Variants in ECE2 observed in about 807,000 individuals in gnomAD.
ECE2 encodes the protein endothelin-converting enzyme 2.
ECE2 carries 81 observed loss-of-function variants against 100.6 expected under a neutral mutation model. The observed-to-expected ratio is 0.81, with a 90% CI of 0.67 to 0.97. The LOEUF (loss-of-function observed/expected upper bound fraction) is 0.97, where lower values mean the gene tolerates loss of function less well. Ranked by LOEUF, ECE2 falls within the 50% of genes least tolerant of loss-of-function variation. ECE2 has a pLI of 0.00. For synonymous variants in ECE2, 391 were observed against 391.5 expected (o/e 1.00, Z 0.02); for missense variants, 911 against 988.1 (o/e 0.92, Z 1.05).
chr3:184,287,329 G>T (rs1238691048), intron 10 of ECE2, among the ~76,000 whole-genome samples: 2 of 110,330 alleles, frequency 1.8e-5, no homozygotes, highest in African/African-American at 4.8e-5. Flanking sequence ...GACTGAATGT[G>T]GGGGGTTAGG....
chr3:184,288,063 C>T, intron 11 of ECE2, 116 bp downstream of exon 11: 1 of 920,830 alleles, frequency 1.1e-6, no homozygotes, highest in Non-Finnish European at 1.6e-6. Context: ...GTAATCCCAG[C>T]ACTTTGGGAG....
chr3:184,290,962 C>T lies in ECE2; in HGVS notation c.1835-78C>T, dbSNP rs1721283129. 5 of 1,585,432 alleles carry T rather than the reference C, an allele frequency of 3.2e-6. No homozygotes were observed. In the South Asian group the frequency reaches 5.7e-5, roughly 18 times the overall value. On this transcript the variant is annotated intron_variant, in intron 16 of 18. Coordinates refer to ENST00000404464, the MANE Select transcript of ECE2 (RefSeq NM_001100121.2). ...CCCCAAGGGCCCTGAAGTCTGTGGA[C>T]CAGGGCTGGTGGGGGCACTGCTGCC...
Position 184,277,416 on chromosome 3 carries a change from C to T in ECE2, c.428C>T (p.Thr143Ile). 1.2e-6 allele frequency: 2 copies of T among 1,614,246 alleles called. No homozygotes were observed. The highest frequency in any genetic ancestry group is 1.7e-6 in the Non-Finnish European group (2 of 1,180,040). Reference sequence around the variant, plus strand: ...CCCGATGGGCGTTCTCGCTGGAACACCTTCAACAGCCTCTGGGACCAAAAC... The same window carrying T: ...CCCGATGGGCGTTCTCGCTGGAACATCTTCAACAGCCTCTGGGACCAAAAC... ...PLPDGRSRWN[T>I]FNSLWDQNQA... The change falls in exon 4 of 19, where the codon ACC becomes ATC. Residue 143 changes from threonine to isoleucine, a missense_variant. By Grantham distance (89) the Thr-to-Ile change is moderately conservative. Transcript: ENST00000404464.
intron 7 of ECE2, among the ~76,000 whole-genome samples, chr3:184,279,960 C>T (rs750995817): frequency 8.3e-5 from 12 of 144,418 alleles, no homozygotes; most frequent in Admixed American, 4.3e-4. Flanking sequence ...TGCGGTACTC[C>T]GTGCTCTGAG....
chr3:184,276,068 G>GCGGGGCCGGGCAGGGGAC lies in ECE2; in HGVS notation c.-77_-60dup. The stretch of plus-strand genomic sequence containing the variant: ...GCGGCGGCCGTGATGGCTGGTGACG[G>GCGGGGCCGGGCAGGGGAC]CGGGGCCGGGCAGGGGACCGGGGCC... On this transcript the variant is annotated 5_prime_UTR_variant, in exon 1 of 19. Coordinates refer to ENST00000404464, the MANE Select transcript of ECE2 (RefSeq NM_001100121.2). 1.7e-6 allele frequency: 2 copies of GCGGGGCCGGGCAGGGGAC among 1,209,650 alleles called. No individual in the cohort carries two copies. Among genetic ancestry groups the GCGGGGCCGGGCAGGGGAC allele is most frequent in the Non-Finnish European group, 2.1e-6 (2 of 973,518 alleles). The allele number at this position is 1,209,650 out of a possible 1,614,324, so 74.9% of individuals were successfully genotyped here. A position where few individuals can be genotyped will look rare whatever the true frequency, so the allele number is the denominator to read the frequency against.
In ECE2 at chr3:184,289,583, G is replaced by A; in HGVS notation, c.1473+48G>A. On this transcript the variant is annotated intron_variant, in intron 12 of 18. Transcript: ENST00000404464. The surrounding 1 kb of genome is among the most constrained non-coding windows in gnomAD (Gnocchi z 4.1). ...GCGCCATCTTGAGGTGGGGTTCAAG[G>A]ATACAGTTTTGCTAGGAACCTGGGG... is the stretch of plus-strand genomic sequence containing the variant. 1.2e-6 allele frequency: 2 copies of A among 1,613,628 alleles called. No homozygotes were observed. The highest frequency in any genetic ancestry group is 1.1e-5 in the South Asian group (1 of 91,058).
intron 10 of ECE2, among the ~76,000 whole-genome samples, chr3:184,285,919 TGAG>T (rs899364342): frequency 1.8e-4 from 28 of 152,210 alleles, no homozygotes; most frequent in Middle Eastern, 3.4e-3. Flanking sequence ...TCGGCTTTGA[TGAG>T]GAGGATGGAG....
In ECE2 at chr3:184,276,035, G is replaced by C; in HGVS notation, c.-119G>C. 6.3e-6 allele frequency: 7 copies of C among 1,109,634 alleles called. No individual in the cohort carries two copies. The highest frequency in any genetic ancestry group is 7.7e-6 in the Non-Finnish European group (7 of 909,012). 68.7% of individuals were successfully genotyped at this position (1,109,634 alleles called of 1,614,324 possible). A position where few individuals can be genotyped will look rare whatever the true frequency, so the allele number is the denominator to read the frequency against. ...GGGGGGGCGGCCGCGGCCGAGCGGGGGTGCTGCGCGGCGGCCGTGATGGCT... is the reference window on the plus strand; with the variant it reads ...GGGGGGGCGGCCGCGGCCGAGCGGGCGTGCTGCGCGGCGGCCGTGATGGCT... On this transcript the variant is annotated 5_prime_UTR_variant, in exon 1 of 19. Transcript: ENST00000404464.
In ECE2 at chr3:184,289,714, A is replaced by G; in HGVS notation, c.1547A>G (p.Asp516Gly). Residue 516 changes from aspartate (D) to glycine (G), a missense_variant, in exon 13 of 19, where the codon GAC becomes GGC. By Grantham distance (94) the Asp-to-Gly change is moderately conservative. Transcript: ENST00000404464. This position sits in a 1 kb window ranked among gnomAD's most constrained non-coding sequence, Gnocchi z 4.1. ...CCCAAAGAGCTGGATGATGTTTATGACGGGGTGAGTACCTACGCTCATCAG... is the reference window on the plus strand; with the variant it reads ...CCCAAAGAGCTGGATGATGTTTATGGCGGGGTGAGTACCTACGCTCATCAG... ...LEPKELDDVY[D>G]GYEISEDSFF... 6.2e-7 allele frequency: 1 copy of G among 1,611,914 alleles called. No homozygotes were observed. The highest frequency in any genetic ancestry group is 8.5e-7 in the Non-Finnish European group (1 of 1,178,982).
chr3:184,277,852 C>T (rs563741256), intron 4 of ECE2, 73 bp from the exon 5 acceptor site: 456 of 1,572,426 alleles, frequency 2.9e-4, no homozygotes, highest in Admixed American at 5.3e-4. Flanking sequence ...AGGAGAGAAA[C>T]CGAGCAAGGG....
At chr3:184,279,205 G>T (rs1266728949) in intron 7 of ECE2, among the ~76,000 whole-genome samples, 1 of 150,662 alleles carries the variant, frequency 6.6e-6, no homozygotes, top group South Asian at 2.1e-4. Context: ...AACTACTCGG[G>T]AGGCTGAGAC....
intron 7 of ECE2, among the ~76,000 whole-genome samples, chr3:184,281,586 C>T (rs1316494468): frequency 6.6e-6 from 1 of 152,226 alleles, no homozygotes; most frequent in Non-Finnish European, 1.5e-5. Flanking sequence ...GAAAGGGAAA[C>T]TCAAAAGTGA....
chr3:184,281,489 C>A (rs1458957527), intron 7 of ECE2, among the ~76,000 whole-genome samples: 1 of 152,230 alleles, frequency 6.6e-6, no homozygotes, highest in African/African-American at 2.4e-5. Flanking sequence ...GAGGGGCATG[C>A]GGGCCAAGGC....
Position 184,276,559 on chromosome 3 carries a change from G to A in ECE2, c.118G>A (p.Ala40Thr), listed in dbSNP as rs745882263. The change falls in exon 2 of 19, where the codon GCC (alanine) becomes ACC (threonine). Residue 40 changes from alanine to threonine, a missense_variant. Coordinates refer to ENST00000404464, the MANE Select transcript of ECE2 (RefSeq NM_001100121.2). ...CGTAGAGGGCGGGGCCTCCCCGGACGCCATGGAGGTGGGCAAGGGGGCTTC... is the reference window on the plus strand; with the variant it reads ...CGTAGAGGGCGGGGCCTCCCCGGACACCATGGAGGTGGGCAAGGGGGCTTC... ...TPVEGGASPD[A>T]MEVGFQKGTR... 8.7e-6 allele frequency: 14 copies of A among 1,610,098 alleles called. No homozygotes were observed. Among genetic ancestry groups the A allele is most frequent in the Non-Finnish European group, 1.2e-5 (14 of 1,178,954 alleles).
rs1456475155 is a variant in ECE2 at position 184,291,380 on chromosome 3, C to G, written c.2062C>G (p.Gln688Glu). ...ATGGCTGAGAAAGCATGGGGAGGAGCAGCAACTGCCAGCCGTGGGGCTCAC... is the reference window on the plus strand; with the variant it reads ...ATGGCTGAGAAAGCATGGGGAGGAGGAGCAACTGCCAGCCGTGGGGCTCAC... ...KAWLRKHGEE[Q>E]QLPAVGLTNH... is the part of the protein sequence containing the mutation. Residue 688 changes from glutamine (Q) to glutamate (E), a missense_variant, in exon 18 of 19, where the codon CAG becomes GAG. Physicochemically the swap from Gln to Glu is conservative, Grantham distance 29 (BLOSUM62 2). Transcript: ENST00000404464. The surrounding 1 kb of genome is among the most constrained non-coding windows in gnomAD (Gnocchi z 4.1). 4 of 1,608,664 alleles carry G rather than the reference C, an allele frequency of 2.5e-6. No individual in the cohort carries two copies. The highest frequency in any genetic ancestry group is 4.5e-5 in the East Asian group (2 of 44,880).
intron 11 of ECE2, among the ~76,000 whole-genome samples, chr3:184,288,330 A>T (rs943920878): frequency 7.1e-6 from 1 of 140,974 alleles, no homozygotes. Flanking sequence ...AAAAAAAAAA[A>T]AGAAAAGAAA....
rs1720969544 is a variant in ECE2 at position 184,284,959 on chromosome 3, T to G, written c.1006-4T>G. 1.2e-6 allele frequency: 2 copies of G among 1,612,822 alleles called. No homozygotes were observed. Among genetic ancestry groups the G allele is most frequent in the Non-Finnish European group, 1.7e-6 (2 of 1,179,606 alleles). On this transcript the variant is annotated splice_region_variant and splice_polypyrimidine_tract_variant and intron_variant, in intron 8 of 18. Coordinates refer to ENST00000404464, the MANE Select transcript of ECE2 (RefSeq NM_001100121.2). ...AGGCAAGGCCTGAGATTTTTTTCTT[T>G]CAGGCTCTGGCGCCCTCCATGGACT...
At position 184,291,889 on chromosome 3, in the gene ECE2, T is replaced by A; in HGVS notation, c.2122-173T>A. 1.4e-6 allele frequency: 1 copy of A among 697,936 alleles called. No homozygotes were observed. The highest frequency in any genetic ancestry group is 3.0e-5 in the Admixed American group (1 of 33,368). The allele number at this position is 697,936 out of a possible 1,614,324, so 43.2% of individuals were successfully genotyped here. The stretch of plus-strand genomic sequence containing the variant: ...CAGCAGGCAGCTTCTGGGGCTCCGC[T>A]TTTTCCCCTCGTCATGTCCATGCTG... On this transcript the variant is annotated intron_variant, in intron 18 of 18. Coordinates refer to ENST00000404464, the MANE Select transcript of ECE2 (RefSeq NM_001100121.2). The surrounding 1 kb of genome is among the most constrained non-coding windows in gnomAD (Gnocchi z 4.1).
Position 184,278,004 on chromosome 3 carries a change from C to T in ECE2, c.558C>T (p.Arg186=), listed in dbSNP as rs201807989. ...ACCTATCTTGCCTACAGGTGGAGCG[C>T]ATTGAGGAGCTGGGAGCCCAGCCAC... ...RFYLSCLQVE[R]IEELGAQPLR... The change falls in exon 5 of 19, where the codon CGC becomes CGT. Residue 186 remains arginine, a synonymous_variant. Coordinates refer to ENST00000404464, the MANE Select transcript of ECE2 (RefSeq NM_001100121.2). 1 of 1,614,048 alleles carries T rather than the reference C, an allele frequency of 6.2e-7. No individual in the cohort carries two copies. The highest frequency in any genetic ancestry group is 2.2e-5 in the East Asian group (1 of 44,884).
Sources: allele counts gnomAD v4.1 joint callset (sites outside exome capture counted in the v4.1 genomes callset), GRCh38; gene constraint gnomAD v4.1.1; non-coding constraint Gnocchi (gnomAD v3.1); transcripts MANE v1.5; gene names NCBI Gene and HGNC (gene_info 2026-07-23, HGNC 2026-07-21).